Variants in GCNT1 observed in about 807,000 individuals in gnomAD.
GCNT1 encodes the protein glucosaminyl (N-acetyl) transferase 1.
Under a neutral mutation model 26.2 loss-of-function variants are expected in GCNT1, and 16 were observed. The observed-to-expected ratio is 0.61, with a 90% CI of 0.41 to 0.93. GCNT1 has a LOEUF of 0.93. Ranked by LOEUF, GCNT1 falls within the 40% of genes least tolerant of loss-of-function variation. The pLI is 0.00. For missense variants in GCNT1, 477 were observed against 526.7 expected, an observed-to-expected ratio of 0.91 and a Z score of 0.92; for synonymous variants, 183 against 190.8, an observed-to-expected ratio of 0.96 and a Z score of 0.34.
chr9:76,495,027 G>A (rs1824865611), intron 2 of GCNT1, among the ~76,000 whole-genome samples: 1 of 152,140 alleles, frequency 6.6e-6, no homozygotes, highest in Non-Finnish European at 1.5e-5. Context: ...TCTTTAGTCC[G>A]GCAGCCGCAC....
chr9:76,496,025 C>T (rs1282412872), intron 2 of GCNT1, among the ~76,000 whole-genome samples: 2 of 152,042 alleles, frequency 1.3e-5, no homozygotes, highest in African/African-American at 4.8e-5. Flanking sequence ...TGCTTGGATT[C>T]CCCAGTAAAA....
chr9:76,434,938 C>T (rs369269150), intron 1 of GCNT1, among the ~76,000 whole-genome samples: 1 of 152,104 alleles, frequency 6.6e-6, no homozygotes, highest in East Asian at 1.9e-4. Flanking sequence ...GGAAGAAATC[C>T]CACCCTGGTA....
intron 2 of GCNT1, among the ~76,000 whole-genome samples, chr9:76,482,379 T>A (rs1200606472): frequency 6.6e-6 from 1 of 150,952 alleles, no homozygotes; most frequent in Non-Finnish European, 1.5e-5. Flanking sequence ...CCCAGCACTT[T>A]GGGAGGCTGA....
chr9:76,417,612 A>G (rs1230913232), upstream of GCNT1, among the ~76,000 whole-genome samples: 2 of 152,216 alleles, frequency 1.3e-5, no homozygotes, highest in Admixed American at 6.5e-5. Context: ...TTCACACTTC[A>G]GTATTCTCCC....
At chr9:76,480,694 G>A (rs936302431) in intron 2 of GCNT1, among the ~76,000 whole-genome samples, 15 of 152,068 alleles carry the variant, frequency 9.9e-5, no homozygotes, top group African/African-American at 3.4e-4. Context: ...TCATTAATGA[G>A]TGAAATGCAA....
At chr9:76,467,899 T>TG (rs1824038762) in intron 2 of GCNT1, among the ~76,000 whole-genome samples, 1 of 72,834 alleles carries the variant, frequency 1.4e-5, no homozygotes, top group African/African-American at 8.8e-5. Flanking sequence ...CTTTCAGTGT[T>TG]TTTTTTTTTT....
the GCNT1 span, among the ~76,000 whole-genome samples, chr9:76,397,899 T>C: frequency 6.6e-6 from 1 of 152,250 alleles, no homozygotes; most frequent in East Asian, 1.9e-4. Flanking sequence ...TCAATAATTA[T>C]TCTGTAGGCT....
At chr9:76,419,426 T>C (rs548238231), upstream of GCNT1, among the ~76,000 whole-genome samples, 85 of 152,288 alleles carry the variant, frequency 5.6e-4, no homozygotes, top group African/African-American at 1.9e-3. Context: ...TTCCAGCACT[T>C]TGGGAGGCCA....
chr9:76,480,974 C>T (rs1034984786), intron 2 of GCNT1, among the ~76,000 whole-genome samples: 3 of 151,948 alleles, frequency 2.0e-5, no homozygotes, highest in Non-Finnish European at 4.4e-5. Flanking sequence ...CGTGGTGTCT[C>T]ACGCCTGTAA....
In GCNT1 at chr9:76,428,290, CTT is replaced by C. The variant is rs1823285688; in HGVS notation, n.38+8404_38+8405del. Reference sequence around the variant, plus strand: ...CAAAAAAAAAAAAAAAAAAAAAAAACTTAAAAAAAAAAAGAGAGAGAGAAATG... The same window carrying C: ...CAAAAAAAAAAAAAAAAAAAAAAAACAAAAAAAAAAAGAGAGAGAGAAATG... On this transcript the variant is annotated intron_variant and non_coding_transcript_variant, in intron 1 of 3. Transcript: ENST00000488136. Among the ~76,000 whole-genome samples, 16 of 69,906 alleles carry C rather than the reference CTT, an allele frequency of 2.3e-4. 1 individual carries two copies. The highest frequency in any genetic ancestry group is 4.7e-4 in the South Asian group (1 of 2,124). 45.9% of individuals were successfully genotyped at this position (69,906 alleles called of 152,430 possible).
In GCNT1 at chr9:76,427,974, T is replaced by A. The variant is rs144129556; in HGVS notation, n.38+8087T>A. Among the ~76,000 whole-genome samples the A allele has an allele frequency of 2.6e-3, 399 of 151,748 alleles. 1 individual carries two copies. The highest frequency in any genetic ancestry group is 9.3e-3 in the African/African-American group (386 of 41,362). ...TCCAGACTGGGCAACAGAGCAAGAC[T>A]CTATCTCAAAAACAAAACAAACAAA... is the stretch of plus-strand genomic sequence containing the variant. On this transcript the variant is annotated intron_variant and non_coding_transcript_variant, in intron 1 of 3. Transcript: ENST00000488136.
the GCNT1 span, among the ~76,000 whole-genome samples, chr9:76,402,627 T>C: frequency 2.6e-5 from 4 of 152,274 alleles, no homozygotes; most frequent in African/African-American, 9.6e-5. Flanking sequence ...TCTCCAGGTC[T>C]GTCTGCTATA....
intron 2 of GCNT1, among the ~76,000 whole-genome samples, chr9:76,493,536 C>T (rs1824810481): frequency 6.6e-6 from 1 of 152,148 alleles, no homozygotes; most frequent in Non-Finnish European, 1.5e-5. Context: ...GGGACATGTA[C>T]CTGGGTTGGG....
intron 2 of GCNT1, among the ~76,000 whole-genome samples, chr9:76,497,936 A>G (rs1051411565): frequency 6.6e-6 from 1 of 152,084 alleles, no homozygotes; most frequent in African/African-American, 2.4e-5. Context: ...AATCTCTACT[A>G]TCTACCTAGA....
chr9:76,407,453 T>C, the GCNT1 span, among the ~76,000 whole-genome samples: 1 of 152,182 alleles, frequency 6.6e-6, no homozygotes, highest in African/African-American at 2.4e-5. Flanking sequence ...CTCTGTTCTG[T>C]TCTATTGATC....
Position 76,502,526 on chromosome 9 carries a change from G to A in GCNT1, c.145G>A (p.Ala49Thr). The A allele has an allele frequency of 6.2e-7, 1 of 1,614,000 alleles. No individual in the cohort carries two copies. Among genetic ancestry groups the A allele is most frequent in the African/African-American group, 1.3e-5 (1 of 75,024 alleles). Residue 49 changes from alanine (A) to threonine (T), a missense_variant, in exon 4 of 4, where the codon GCT becomes ACT. Physicochemically the swap from Ala to Thr is moderately conservative, Grantham distance 58 (BLOSUM62 0). Coordinates refer to ENST00000376730, the MANE Select transcript of GCNT1 (RefSeq NM_001490.5). ...EFVSVRHLEL[A>T]GENPSSDINC... ...TGTAAGTGTCAGACACTTGGAGCTT[G>A]CTGGGGAGAATCCTAGTAGTGATAT...
In GCNT1 at chr9:76,504,088, G is replaced by T; in HGVS notation, c.*420G>T. On this transcript the variant is annotated 3_prime_UTR_variant, in exon 4 of 4. Coordinates refer to ENST00000376730, the MANE Select transcript of GCNT1 (RefSeq NM_001490.5). ...TTTTTCTGGTATGAATAAACTTACA[G>T]CAACAAATAATCAAAGATACAATTA... The T allele has an allele frequency of 1.5e-5, 3 of 203,710 alleles. No homozygotes were observed. Among genetic ancestry groups the T allele is most frequent in the South Asian group, 2.3e-4 (2 of 8,802 alleles). 12.6% of individuals were successfully genotyped at this position (203,710 alleles called of 1,614,324 possible). A position where few individuals can be genotyped will look rare whatever the true frequency, so the allele number is the denominator to read the frequency against.
At chr9:76,480,469 T>G (rs1366167182) in intron 2 of GCNT1, among the ~76,000 whole-genome samples, 1 of 152,180 alleles carries the variant, frequency 6.6e-6, no homozygotes, top group Non-Finnish European at 1.5e-5. Context: ...TTCACGATAT[T>G]GATTCTTTTC....
intron 1 of GCNT1, among the ~76,000 whole-genome samples, chr9:76,444,763 G>A (rs924504841): frequency 1.3e-5 from 2 of 152,130 alleles, no homozygotes; most frequent in African/African-American, 4.8e-5. Flanking sequence ...TGCCCTCTTG[G>A]GCCCTCTGTG....
Sources: gnomAD v4.1 joint callset for allele counts (sites outside exome capture counted in the v4.1 genomes callset) on GRCh38, gnomAD v4.1.1 for gene constraint, MANE v1.5 for transcripts, NCBI Gene and HGNC (gene_info 2026-07-23, HGNC 2026-07-21) for gene names.